VPS35: variants seen among roughly 807,000 people sequenced by gnomAD.
VPS35 encodes the protein VPS35 retromer complex component, also known as vacuolar protein sorting-associated protein 35.
VPS35 carries 21 observed loss-of-function variants against 98.1 expected under a neutral mutation model. The ratio of observed to expected loss-of-function variants is 0.21; its 90% CI spans 0.15 to 0.31. The LOEUF is 0.31. VPS35 is among the 10% of genes least tolerant of loss of function. VPS35 has a pLI of 1.00. For synonymous variants in VPS35, 268 were observed against 318.2 expected (o/e 0.84, Z 1.68); for missense variants, 554 against 950.8 (o/e 0.58, Z 5.49).
chr16:46,670,224 G>C (rs1010463169), intron 12 of VPS35, among the ~76,000 whole-genome samples: 31 of 152,278 alleles, frequency 2.0e-4, no homozygotes, highest in African/African-American at 7.2e-4. Flanking sequence ...GGCAGTCAGA[G>C]CTAATGACCC....
intron 10 of VPS35, 134 bp from the exon 11 acceptor site, chr16:46,672,606 A>G: frequency 1.4e-6 from 1 of 709,122 alleles, no homozygotes; most frequent in East Asian, 2.7e-5. Context: ...ATACCACCAC[A>G]GAAGACTATA....
intron 3 of VPS35, 183 bp downstream of exon 3, chr16:46,681,896 G>T (rs1231953346): frequency 1.7e-6 from 1 of 601,708 alleles, no homozygotes; most frequent in East Asian, 2.8e-5. Context: ...TTTAAGCATA[G>T]GAAAGGAGTA....
At chr16:46,675,163 A>G (rs1966129526) in intron 8 of VPS35, among the ~76,000 whole-genome samples, 2 of 150,158 alleles carry the variant, frequency 1.3e-5, no homozygotes, top group Non-Finnish European at 1.5e-5. Context: ...TTCACACCAT[A>G]TTAAGTAGAT....
chr16:46,662,699 C>T (rs1200802357), intron 14 of VPS35, among the ~76,000 whole-genome samples: 1 of 152,144 alleles, frequency 6.6e-6, no homozygotes, highest in Non-Finnish European at 1.5e-5. Flanking sequence ...TTGTTTAACC[C>T]AGGGTTCCCA....
In VPS35 at chr16:46,673,512, G is replaced by C. The variant is rs375531322; in HGVS notation, c.1160+802C>G. On this transcript the variant is annotated intron_variant, in intron 10 of 16. Transcript: ENST00000299138. ...GCCTGGCTTGACCCAAGCCAGAGCA[G>C]TGGGGAACAGGGCAGGAAGGGAACT... 549 of 152,574 alleles carry C rather than the reference G, an allele frequency of 3.6e-3. 2 individuals carry two copies. In the Middle Eastern group the frequency reaches 0.037, roughly 10 times the overall value. 9.5% of individuals were successfully genotyped at this position (152,574 alleles called of 1,614,324 possible).
chr16:46,657,325 T>A lies in VPS35; in HGVS notation c.*3147A>T, dbSNP rs1003675641. The A allele has an allele frequency of 6.6e-6, 1 of 152,204 alleles. No individual in the cohort carries two copies. The highest frequency in any genetic ancestry group is 6.5e-5 in the Admixed American group (1 of 15,280). The allele number at this position is 152,204 out of a possible 1,614,324, so 9.4% of individuals were successfully genotyped here. ...AATATGCAGTCTGGAATTCCCATTG[T>A]CAAAGACAATTCTGTTGGGAAATCC... On this transcript the variant is annotated 3_prime_UTR_variant, in exon 17 of 17. Coordinates refer to ENST00000299138, the MANE Select transcript of VPS35 (RefSeq NM_018206.6).
At chr16:46,682,860 T>A (rs1966254252) in intron 2 of VPS35, 1 of 154,386 alleles carries the variant, frequency 6.5e-6, no homozygotes. Context: ...AATAGCATCA[T>A]CTTCATCACA....
intron 1 of VPS35, among the ~76,000 whole-genome samples, chr16:46,686,560 T>G (rs1437930528): frequency 6.6e-6 from 1 of 152,212 alleles, no homozygotes; most frequent in Non-Finnish European, 1.5e-5. Flanking sequence ...AGTGAAGACA[T>G]AAAGCTATAG....
intron 1 of VPS35, 142 bp from the exon 2 acceptor site, chr16:46,683,748 G>A (rs887671671): frequency 4.6e-5 from 39 of 841,894 alleles, no homozygotes; most frequent in Non-Finnish European, 5.2e-5. Context: ...TTTTTGAGAC[G>A]GAGTCTAGCT....
intron 13 of VPS35, 91 bp from the exon 14 acceptor site, chr16:46,663,253 T>C: frequency 1.7e-6 from 2 of 1,193,660 alleles, no homozygotes; most frequent in South Asian, 1.3e-5. Flanking sequence ...TACTGTAAGT[T>C]GTGTGCACAG....
chr16:46,663,305 ACAAGTAAAT>A (rs752352198), intron 13 of VPS35, 143 bp from the exon 14 acceptor site: 16 of 737,700 alleles, frequency 2.2e-5, no homozygotes, highest in Non-Finnish European at 3.6e-5. Context: ...TATAGGGCAA[ACAAGTAAAT>A]CAAGCAGGAT....
At chr16:46,681,607 G>A (rs1438478754) in intron 3 of VPS35, 107 bp from the exon 4 acceptor site, 1 of 1,336,082 alleles carries the variant, frequency 7.5e-7, no homozygotes, top group Non-Finnish European at 1.1e-6. Context: ...TTAAGTTTTA[G>A]TCCTTTAAGA....
At chr16:46,664,463 T>C (rs1000978565) in intron 13 of VPS35, among the ~76,000 whole-genome samples, 1 of 152,056 alleles carries the variant, frequency 6.6e-6, no homozygotes, top group African/African-American at 2.4e-5. Context: ...AGACCTTATT[T>C]TCTTGAGAGT....
intron 1 of VPS35, among the ~76,000 whole-genome samples, chr16:46,685,054 C>CT (rs1360762009): frequency 6.6e-6 from 1 of 152,130 alleles, no homozygotes; most frequent in African/African-American, 2.4e-5. Context: ...CACTGGCTTT[C>CT]TTTTAGGGGT....
At chr16:46,675,818 A>C (rs1344092654) in intron 8 of VPS35, among the ~76,000 whole-genome samples, 2 of 151,924 alleles carry the variant, frequency 1.3e-5, no homozygotes, top group African/African-American at 4.8e-5. Context: ...TAATCCCAGC[A>C]CTTTGGGAAG....
chr16:46,686,241 C>T (rs1966312224), intron 1 of VPS35, among the ~76,000 whole-genome samples: 1 of 152,122 alleles, frequency 6.6e-6, no homozygotes, highest in African/African-American at 2.4e-5. Flanking sequence ...CGAAGTATTT[C>T]ATTATATATC....
intron 13 of VPS35, among the ~76,000 whole-genome samples, chr16:46,663,567 G>C (rs1401412433): frequency 6.6e-6 from 1 of 151,918 alleles, no homozygotes; most frequent in African/African-American, 2.4e-5. Flanking sequence ...TTTTAGTAGG[G>C]GCGGGGTTTC....
rs1407873798 is a variant in VPS35, at chr16:46,667,711, GA to G, written c.1647+1218del. ...CATTATTATATATGGCATAAGATGA[GA>G]GTCCAAATGCGTTCTTTTGCATGTG... On this transcript the variant is annotated intron_variant, in intron 13 of 16. Coordinates refer to ENST00000299138, the MANE Select transcript of VPS35 (RefSeq NM_018206.6). Among the ~76,000 whole-genome samples, 8 of 152,146 alleles carry G rather than the reference GA, an allele frequency of 5.3e-5. No individual in the cohort carries two copies. The East Asian group carries it at 1.5e-3, about 29-fold the overall frequency.
Position 46,658,425 on chromosome 16 carries a change from A to T in VPS35, c.*2047T>A, listed in dbSNP as rs1381373328. 2 of 153,770 alleles carry T rather than the reference A, an allele frequency of 1.3e-5. No homozygotes were observed. The highest frequency in any genetic ancestry group is 2.4e-5 in the African/African-American group (1 of 41,452). The allele number at this position is 153,770 out of a possible 1,614,324, so 9.5% of individuals were successfully genotyped here. On this transcript the variant is annotated 3_prime_UTR_variant, in exon 17 of 17. Transcript: ENST00000299138. The stretch of plus-strand genomic sequence containing the variant: ...TACCCAGTTTTTGTTCAACAAAAAA[A>T]ATCTGTAAGTTAAGGATACTAGCAG...
Sources: gnomAD v4.1 joint callset for allele counts (sites outside exome capture counted in the v4.1 genomes callset) on GRCh38, gnomAD v4.1.1 for gene constraint, MANE v1.5 for transcripts, NCBI Gene and HGNC (gene_info 2026-07-23, HGNC 2026-07-21) for gene names.